ERCC4: variants seen among roughly 807,000 people sequenced by gnomAD.
The protein encoded by ERCC4 is ERCC excision repair 4, endonuclease catalytic subunit.
A neutral mutation model predicts 76.9 loss-of-function variants in ERCC4; 65 were observed. The ratio of observed to expected loss-of-function variants is 0.84; its 90% CI spans 0.69 to 1.04. ERCC4 has a LOEUF of 1.04. ERCC4 is among the 50% of genes least tolerant of loss of function. ERCC4 has a pLI of 0.00. For synonymous variants in ERCC4, 463 were observed against 410.1 expected (o/e 1.13, Z -1.56); for missense variants, 1,214 against 1,128.2 (o/e 1.08, Z -1.09).
chr16:13,936,566 G>T (rs540022196), intron 8 of ERCC4, among the ~76,000 whole-genome samples: 1 of 152,352 alleles, frequency 6.6e-6, no homozygotes, highest in Non-Finnish European at 1.5e-5. Context: ...CCTGAGAACA[G>T]AATAGTGTGG....
Position 13,951,320 on chromosome 16 carries a change from A to C in ERCC4, c.*2973A>C, listed in dbSNP as rs2141624809. On this transcript the variant is annotated 3_prime_UTR_variant, in exon 11 of 11. Coordinates refer to ENST00000311895, the MANE Select transcript of ERCC4 (RefSeq NM_005236.3). ...TATGAACTCATGTTTGGCTCTTTTAAAACCTTTTCTAAAAGCTAGATCAGC... is the reference window on the plus strand; with the variant it reads ...TATGAACTCATGTTTGGCTCTTTTACAACCTTTTCTAAAAGCTAGATCAGC... 5.2e-6 allele frequency: 1 copy of C among 192,712 alleles called. No homozygotes were observed. Among genetic ancestry groups the C allele is most frequent in the South Asian group, 1.9e-4 (1 of 5,176 alleles). The allele number at this position is 192,712 out of a possible 1,614,324, so 11.9% of individuals were successfully genotyped here. A position where few individuals can be genotyped will look rare whatever the true frequency, so the allele number is the denominator to read the frequency against.
At position 13,922,044 on chromosome 16, in the gene ERCC4, A is replaced by G; in HGVS notation, c.221A>G (p.Asn74Ser). The change falls in exon 2 of 11, where the codon AAT (asparagine) becomes AGT (serine). Residue 74 changes from asparagine to serine, a missense_variant. Physicochemically the swap from Asn to Ser is conservative, Grantham distance 46. Coordinates refer to ENST00000311895, the MANE Select transcript of ERCC4 (RefSeq NM_005236.3). The stretch of plus-strand genomic sequence containing the variant: ...GATTTGATTTAGGAGTATTTTATCA[A>G]TCAGCTGAAGATAGAAGGAGTTGAA... Reference protein sequence around the residue: ...TQPAEEEYFINQLKIEGVEHL... With the variant: ...TQPAEEEYFISQLKIEGVEHL... The G allele has an allele frequency of 1.2e-6, 2 of 1,613,434 alleles. No homozygotes were observed. Among genetic ancestry groups the G allele is most frequent in the Non-Finnish European group, 1.7e-6 (2 of 1,179,420 alleles).
intron 9 of ERCC4, among the ~76,000 whole-genome samples, chr16:13,939,992 T>G (rs181434258): frequency 2.9e-4 from 44 of 152,332 alleles, no homozygotes; most frequent in Admixed American, 2.7e-3. Flanking sequence ...AGTGTTCATG[T>G]CAGGGTTCCC....
At chr16:13,926,877 A>G (rs1036207235) in intron 3 of ERCC4, 121 bp downstream of exon 3, 1 of 821,868 alleles carries the variant, frequency 1.2e-6, no homozygotes, top group Non-Finnish European at 2.0e-6. Context: ...ATTTTGTTTG[A>G]TAGAACCTAG....
chr16:13,920,419 G>C, intron 1 of ERCC4, 47 bp downstream of exon 1: 1 of 1,502,424 alleles, frequency 6.7e-7, no homozygotes, highest in Non-Finnish European at 9.0e-7. Flanking sequence ...AGAGTGTTGA[G>C]GGCCTCCTGA....
rs2032071521 is a variant in ERCC4, at chr16:13,926,352, G to T, written c.389-209G>T. On this transcript the variant is annotated intron_variant, in intron 2 of 10. Coordinates refer to ENST00000311895, the MANE Select transcript of ERCC4 (RefSeq NM_005236.3). The stretch of plus-strand genomic sequence containing the variant: ...TTCTCTGATTCATTTTTTCTTCTCA[G>T]CACTTGTAGCATCCTAAATATTTTA... Among the ~76,000 whole-genome samples the T allele has an allele frequency of 6.6e-6, 1 of 152,030 alleles. No homozygotes were observed. The highest frequency in any genetic ancestry group is 6.6e-5 in the Admixed American group (1 of 15,258).
chr16:13,946,744 T>TTTGTTTGTTTG (rs1555469415), intron 10 of ERCC4, among the ~76,000 whole-genome samples: 47 of 151,084 alleles, frequency 3.1e-4, no homozygotes, highest in African/African-American at 1.1e-3. Context: ...ACATCTGTTT[T>TTTGTTTGTTTG]TTTGTTTGTT....
intron 8 of ERCC4, among the ~76,000 whole-genome samples, chr16:13,937,286 T>A (rs2032319468): frequency 6.6e-6 from 1 of 152,020 alleles, no homozygotes; most frequent in Non-Finnish European, 1.5e-5. Context: ...AATCCATACG[T>A]CTTCCATGCC....
At position 13,947,933 on chromosome 16, in the gene ERCC4, C is replaced by A; in HGVS notation, c.2337C>A (p.Ile779=). The A allele has an allele frequency of 6.2e-7, 1 of 1,614,142 alleles. No homozygotes were observed. The highest frequency in any genetic ancestry group is 1.3e-5 in the African/African-American group (1 of 75,008). ...LTSRGALFQE[I]SSNDISSKLT... ...CCCGAGGTGCCTTGTTTCAGGAGAT[C>A]TCCAGCAATGACATTAGTTCCAAAC... The change falls in exon 11 of 11, where the codon ATC becomes ATA. Residue 779 remains isoleucine, a synonymous_variant. Coordinates refer to ENST00000311895, the MANE Select transcript of ERCC4 (RefSeq NM_005236.3).
chr16:13,937,012 C>T (rs907062146), intron 8 of ERCC4, among the ~76,000 whole-genome samples: 1 of 151,228 alleles, frequency 6.6e-6, no homozygotes, highest in Non-Finnish European at 1.5e-5. Context: ...CTCCCCCTTT[C>T]CCTGACTCAC....
Position 13,927,557 on chromosome 16 carries a change from CAAAA to C in ERCC4, c.585-453_585-450del, listed in dbSNP as rs527349868. Reference sequence around the variant, plus strand: ...CTGGGCAACGAGCGAAACTCCATCTCAAAAAAAAAAAAAAAAAAAAAGAGTAGTT... The same window carrying C: ...CTGGGCAACGAGCGAAACTCCATCTCAAAAAAAAAAAAAAAAAGAGTAGTT... On this transcript the variant is annotated intron_variant, in intron 3 of 10. Transcript: ENST00000311895. 7.8e-3 allele frequency: 408 copies of C among 52,134 alleles called. 3 individuals are homozygous for C. Among genetic ancestry groups the C allele is most frequent in the African/African-American group, 0.02 (342 of 16,796 alleles). The allele number at this position is 52,134 out of a possible 1,614,324, so 3.2% of individuals were successfully genotyped here. A position where few individuals can be genotyped will look rare whatever the true frequency, so the allele number is the denominator to read the frequency against.
intron 2 of ERCC4, among the ~76,000 whole-genome samples, chr16:13,925,435 G>A (rs1406675492): frequency 6.6e-6 from 1 of 152,078 alleles, no homozygotes; most frequent in African/African-American, 2.4e-5. Context: ...TATTGGGGGG[G>A]TTATTGAAAA....
At chr16:13,927,374 C>G in intron 3 of ERCC4, 1 of 160,564 alleles carries the variant, frequency 6.2e-6, no homozygotes, top group East Asian at 1.8e-4. Flanking sequence ...GCCTGGTCAA[C>G]ATGGTGAAAC....
rs12325236 is a variant in ERCC4, at chr16:13,951,091, T to A, written c.*2744T>A. 4.2e-3 allele frequency: 774 copies of A among 186,088 alleles called. 7 individuals carry two copies. The highest frequency in any genetic ancestry group is 0.017 in the African/African-American group (728 of 42,876). 11.5% of individuals were successfully genotyped at this position (186,088 alleles called of 1,614,324 possible). A position where few individuals can be genotyped will look rare whatever the true frequency, so the allele number is the denominator to read the frequency against. ...ACTTCCTCTTCCAACTACATAAATA[T>A]ATTTCAATGTATTTCCAGTTTTGGA... On this transcript the variant is annotated 3_prime_UTR_variant, in exon 11 of 11. Transcript: ENST00000311895.
chr16:13,924,954 C>T (rs911813231), intron 2 of ERCC4, among the ~76,000 whole-genome samples: 2 of 152,092 alleles, frequency 1.3e-5, no homozygotes, highest in African/African-American at 4.8e-5. Context: ...AAAACCTAAC[C>T]TGCTTCTATT....
In ERCC4 at chr16:13,947,845, G is replaced by T; in HGVS notation, c.2249G>T (p.Arg750Leu). Residue 750 changes from arginine to leucine, a missense_variant, in exon 11 of 11, where the codon CGC becomes CTC. Arg to Leu is a moderately radical substitution (Grantham distance 102). Coordinates refer to ENST00000311895, the MANE Select transcript of ERCC4 (RefSeq NM_005236.3). Reference protein sequence around the residue: ...RLYSQCISMSRYYKRPVLLIE... With the variant: ...RLYSQCISMSLYYKRPVLLIE... ...TACAGCCAGTGCATCTCCATGTCCC[G>T]CTACTACAAGCGTCCCGTGCTTCTG... The T allele has an allele frequency of 1.2e-6, 2 of 1,614,112 alleles. No homozygotes were observed. The highest frequency in any genetic ancestry group is 1.7e-6 in the Non-Finnish European group (2 of 1,180,030).
intron 9 of ERCC4, among the ~76,000 whole-genome samples, chr16:13,943,032 T>C (rs1317103633): frequency 6.6e-6 from 1 of 152,184 alleles, no homozygotes; most frequent in Non-Finnish European, 1.5e-5. Context: ...GAGAAAAACA[T>C]GGAACTGAAA....
chr16:13,921,942 G>A (rs2031984446), intron 1 of ERCC4, 89 bp from the exon 2 acceptor site: 2 of 823,060 alleles, frequency 2.4e-6, no homozygotes, highest in Admixed American at 4.2e-5. Flanking sequence ...TTATCTCAGA[G>A]AAAGACAGCA....
At chr16:13,937,086 ATT>A (rs71150154) in intron 8 of ERCC4, among the ~76,000 whole-genome samples, 1,298 of 128,694 alleles carry the variant, frequency 0.01, 17 homozygotes, top group African/African-American at 0.031. Context: ...TGCTCAACTA[ATT>A]TTTTTTTTTT....
Sources: gnomAD v4.1 joint callset for allele counts (sites outside exome capture counted in the v4.1 genomes callset) on GRCh38, gnomAD v4.1.1 for gene constraint, MANE v1.5 for transcripts, NCBI Gene and HGNC (gene_info 2026-07-23, HGNC 2026-07-21) for gene names.